TBCK: variants seen among roughly 807,000 people sequenced by gnomAD.
TBCK encodes the protein TBC domain-containing protein kinase-like protein.
TBCK carries 99 observed loss-of-function variants against 113.4 expected under a neutral mutation model. The ratio of observed to expected loss-of-function variants is 0.87; its 90% CI spans 0.74 to 1.03. The LOEUF (loss-of-function observed/expected upper bound fraction) is 1.03. Among genes scored for constraint, TBCK ranks in the 50% least tolerant of loss-of-function variants. The pLI is 0.00. For missense variants in TBCK, 1,045 were observed against 1,061.3 expected (o/e 0.98, Z 0.21); for synonymous variants, 369 against 370.8 (o/e 1.00, Z 0.05).
intron 23 of TBCK, chr4:106,163,543 G>T (rs1311937085): frequency 5.9e-5 from 9 of 152,148 alleles, no homozygotes; most frequent in Non-Finnish European, 5.9e-5. Flanking sequence ...ATAAAGGAAA[G>T]AGGTTTCACA....
At chr4:106,151,606 G>A (rs1748494225) in intron 23 of TBCK, among the ~76,000 whole-genome samples, 1 of 151,856 alleles carries the variant, frequency 6.6e-6, no homozygotes, top group South Asian at 2.1e-4. Context: ...TTTTAGAATT[G>A]TTTCTTCTAT....
chr4:106,149,632 A>G (rs764698378), intron 23 of TBCK, among the ~76,000 whole-genome samples: 4 of 152,182 alleles, frequency 2.6e-5, no homozygotes, highest in Non-Finnish European at 5.9e-5. Context: ...AAACAAGTAC[A>G]ATAGCAACAT....
At chr4:106,285,265 C>T (rs1462445815) in intron 3 of TBCK, among the ~76,000 whole-genome samples, 1 of 152,042 alleles carries the variant, frequency 6.6e-6, no homozygotes, top group Non-Finnish European at 1.5e-5. Flanking sequence ...AACTTGATAA[C>T]ACCTCATAAA....
chr4:106,235,101 T>C (rs1457405151), intron 15 of TBCK, among the ~76,000 whole-genome samples, 168 bp downstream of exon 15: 1 of 152,138 alleles, frequency 6.6e-6, no homozygotes, highest in East Asian at 1.9e-4. Flanking sequence ...TTTTCTATTC[T>C]ATTGTTTTCC....
intron 24 of TBCK, among the ~76,000 whole-genome samples, chr4:106,098,972 G>C (rs939412992): frequency 4.6e-5 from 7 of 152,034 alleles, no homozygotes; most frequent in African/African-American, 1.7e-4. Context: ...GTAAACTTCT[G>C]ATAAATAAGT....
chr4:106,306,934 G>T (rs1767587972), intron 2 of TBCK, among the ~76,000 whole-genome samples: 1 of 152,150 alleles, frequency 6.6e-6, no homozygotes, highest in Non-Finnish European at 1.5e-5. Flanking sequence ...ACATGTCTGT[G>T]TGTATATACC....
intron 3 of TBCK, among the ~76,000 whole-genome samples, chr4:106,266,779 A>C (rs985073009): frequency 6.6e-6 from 1 of 151,924 alleles, no homozygotes; most frequent in Non-Finnish European, 1.5e-5. Context: ...GCTATTTTAT[A>C]CCATGAGAAG....
chr4:106,182,214 A>T (rs1579156700), intron 22 of TBCK: 1 of 152,146 alleles, frequency 6.6e-6, no homozygotes, highest in Non-Finnish European at 1.5e-5. Flanking sequence ...TTGCACATTG[A>T]TTTTGTATCC....
intron 3 of TBCK, among the ~76,000 whole-genome samples, chr4:106,289,824 T>C (rs1765501525): frequency 6.6e-6 from 1 of 151,190 alleles, no homozygotes; most frequent in Admixed American, 6.6e-5. Context: ...ATGATGCATA[T>C]TAAATAAAAC....
At chr4:106,238,899 C>T (rs73838166) in intron 12 of TBCK, among the ~76,000 whole-genome samples, 3 of 152,044 alleles carry the variant, frequency 2.0e-5, no homozygotes, top group South Asian at 2.1e-4. Context: ...CAGACTAATA[C>T]GAGAGAGAAA....
chr4:106,237,945 AG>A (rs1334297751), intron 12 of TBCK, among the ~76,000 whole-genome samples: 2 of 152,104 alleles, frequency 1.3e-5, no homozygotes, highest in Non-Finnish European at 2.9e-5. Flanking sequence ...GATTTTTAAA[AG>A]GTGAATGAAA....
At position 106,053,083 on chromosome 4, in the gene TBCK, G is replaced by A. The variant is rs566035825; in HGVS notation, c.2572-6403C>T. Among the ~76,000 whole-genome samples the A allele has an allele frequency of 2.5e-4, 38 of 151,518 alleles. 1 individual carries two copies. In the East Asian group the frequency reaches 4.7e-3, roughly 19 times the overall value. On this transcript the variant is annotated intron_variant, in intron 25 of 25. Transcript: ENST00000394708. ...TTGAATTAGCTCATAACTCATAAAC[G>A]TCCTCTCTCTCTCTTCCCCTCCCTC...
chr4:106,265,155 T>G (rs961544001), intron 3 of TBCK, among the ~76,000 whole-genome samples: 3 of 151,960 alleles, frequency 2.0e-5, no homozygotes, highest in Non-Finnish European at 4.4e-5. Flanking sequence ...CAAGGAAAAT[T>G]TGATTTGCTA....
At chr4:106,102,223 T>C (rs1318683855) in intron 24 of TBCK, among the ~76,000 whole-genome samples, 2 of 152,240 alleles carry the variant, frequency 1.3e-5, no homozygotes, top group East Asian at 1.9e-4. Flanking sequence ...TTTGTCTTCA[T>C]GTCCTTCAGC....
In TBCK at chr4:106,242,520, A is replaced by T; in HGVS notation, c.1120T>A (p.Ser374Thr). The T allele has an allele frequency of 6.2e-7, 1 of 1,609,614 alleles. No individual in the cohort carries two copies. Among genetic ancestry groups the T allele is most frequent in the Non-Finnish European group, 8.5e-7 (1 of 1,177,968 alleles). Residue 374 changes from serine (S) to threonine (T), a missense_variant, in exon 12 of 26, where the codon TCG becomes ACG. Physicochemically the swap from Ser to Thr is moderately conservative, Grantham distance 58. Transcript: ENST00000394708. The stretch of plus-strand genomic sequence containing the variant: ...GTCACAGTGGTATCATCTAAAAGCG[A>T]GCTTCTATCTCGACCTTGTCCAAAG... ...ESFGQGRDRS[S>T]LLDDTTVTLS...
At chr4:106,174,940 T>C (rs1751468445) in intron 22 of TBCK, among the ~76,000 whole-genome samples, 1 of 151,940 alleles carries the variant, frequency 6.6e-6, no homozygotes, top group Non-Finnish European at 1.5e-5. Flanking sequence ...CTGGCCAACA[T>C]GGTGAAACCC....
At chr4:106,299,898 A>G (rs1766739028) in intron 2 of TBCK, among the ~76,000 whole-genome samples, 4 of 152,202 alleles carry the variant, frequency 2.6e-5, no homozygotes, top group Non-Finnish European at 1.5e-5. Context: ...TTGAGGAAGC[A>G]AAAGTATGAT....
Position 106,117,984 on chromosome 4 carries a change from G to A in TBCK, c.2236-1606C>T, listed in dbSNP as rs536006585. 9.2e-5 allele frequency among the ~76,000 whole-genome samples: 14 copies of A among 151,384 alleles called. No individual in the cohort carries two copies. The East Asian group carries it at 1.7e-3, about 19-fold the overall frequency. ...ACATAGTGCCACTGCACTCCAGCCT[G>A]GGTGATAGAGTGAGACTCCGTCTCA... On this transcript the variant is annotated intron_variant, in intron 23 of 25. Coordinates refer to ENST00000394708, the MANE Select transcript of TBCK (RefSeq NM_001163435.3).
intron 24 of TBCK, among the ~76,000 whole-genome samples, chr4:106,108,631 G>A (rs1285216098): frequency 6.6e-6 from 1 of 152,186 alleles, no homozygotes; most frequent in Non-Finnish European, 1.5e-5. Flanking sequence ...AGCTATCTAT[G>A]ACAAAACCAC....
Sources: allele counts gnomAD v4.1 joint callset (sites outside exome capture counted in the v4.1 genomes callset), GRCh38; gene constraint gnomAD v4.1.1; transcripts MANE v1.5; gene names NCBI Gene and HGNC (gene_info 2026-07-23, HGNC 2026-07-21).